The following TECPR2 variants were observed in gnomAD, a reference collection of about 807,000 sequenced individuals.
TECPR2 encodes tectonin beta-propeller repeat containing 2.
Under a neutral mutation model 138.1 loss-of-function variants are expected in TECPR2, and 65 were observed. That is an observed-to-expected ratio of 0.47 (90% CI 0.39 to 0.58). TECPR2 has a LOEUF of 0.58. Ranked by LOEUF, TECPR2 falls within the 20% of genes least tolerant of loss-of-function variation. TECPR2 has a pLI of 0.00. For synonymous variants in TECPR2, 746 were observed against 749.8 expected, an observed-to-expected ratio of 0.99 and a Z score of 0.08; for missense variants, 1,553 against 1,824.5, an observed-to-expected ratio of 0.85 and a Z score of 2.71.
intron 17 of TECPR2, among the ~76,000 whole-genome samples, chr14:102,469,360 T>A (rs1890614653): frequency 6.6e-6 from 1 of 152,224 alleles, no homozygotes; most frequent in South Asian, 2.1e-4. Flanking sequence ...GCTGTTTTCT[T>A]CATTTTCAGA....
Position 102,443,595 on chromosome 14 carries a change from G to T in TECPR2, c.2753-52G>T. The T allele has an allele frequency of 1.4e-6, 2 of 1,411,376 alleles. No individual in the cohort carries two copies. The highest frequency in any genetic ancestry group is 2.3e-5 in the Admixed American group (1 of 43,104). 87.4% of individuals were successfully genotyped at this position (1,411,376 alleles called of 1,614,324 possible). A position where few individuals can be genotyped will look rare whatever the true frequency, so the allele number is the denominator to read the frequency against. ...AAGCCAATAACCAAGTCAAAATGAG[G>T]TGTGGAGTTCTGACTGTGTGTCTTT... On this transcript the variant is annotated intron_variant, in intron 11 of 19. Transcript: ENST00000359520. This position sits in a 1 kb window ranked among gnomAD's most constrained non-coding sequence, Gnocchi z 4.9.
At position 102,498,185 on chromosome 14, in the gene TECPR2, C is replaced by T. The variant is rs1891343326; in HGVS notation, c.4164C>T (p.His1388=). 2.5e-6 allele frequency: 4 copies of T among 1,611,346 alleles called. No individual in the cohort carries two copies. The highest frequency in any genetic ancestry group is 2.2e-5 in the East Asian group (1 of 44,886). The change falls in exon 20 of 20, where the codon CAC becomes CAT. Residue 1388 remains histidine, a synonymous_variant. Coordinates refer to ENST00000359520, the MANE Select transcript of TECPR2 (RefSeq NM_014844.5). The part of the protein sequence containing the change: ...QRLTKTFSHS[H]GTQKSSQAAM... ...TGACAAAGACGTTCAGCCACTCGCACGGCACCCAGAAGAGCAGCCAGGCCG... is the reference window on the plus strand; with the variant it reads ...TGACAAAGACGTTCAGCCACTCGCATGGCACCCAGAAGAGCAGCCAGGCCG...
At chr14:102,436,318 C>CTTT (rs558287413) in intron 9 of TECPR2, among the ~76,000 whole-genome samples, 5 of 135,500 alleles carry the variant, frequency 3.7e-5, no homozygotes, top group African/African-American at 1.1e-4. Context: ...TTCTTTCTTT[C>CTTT]TTTTTTTTTT....
intron 2 of TECPR2, among the ~76,000 whole-genome samples, chr14:102,406,565 G>T (rs775778257): frequency 6.6e-6 from 1 of 151,808 alleles, no homozygotes; most frequent in Non-Finnish European, 1.5e-5. Context: ...TAAAATTGGG[G>T]CATGAGGGCA....
chr14:102,393,706 G>A (rs1888240103), intron 2 of TECPR2, among the ~76,000 whole-genome samples: 1 of 152,060 alleles, frequency 6.6e-6, no homozygotes, highest in South Asian at 2.1e-4. Flanking sequence ...TTACAGGTGC[G>A]CACCACTACC....
chr14:102,413,863 A>G (rs896520739), intron 4 of TECPR2, among the ~76,000 whole-genome samples: 1 of 151,878 alleles, frequency 6.6e-6, no homozygotes, highest in African/African-American at 2.4e-5. Context: ...CAGTGGTGTG[A>G]TCACAACTCA....
chr14:102,367,994 CTTTTTT>C (rs56325877), intron 1 of TECPR2, among the ~76,000 whole-genome samples: 344 of 65,748 alleles, frequency 5.2e-3, no homozygotes, highest in Non-Finnish European at 7.2e-3. Context: ...GCTTATTGGC[CTTTTTT>C]TTTTTTTTTT....
chr14:102,425,390 C>T (rs1339677089), intron 6 of TECPR2, 99 bp downstream of exon 6: 1 of 1,262,766 alleles, frequency 7.9e-7, no homozygotes, highest in Non-Finnish European at 1.1e-6. Context: ...CTACCAGGAG[C>T]AGTATTGACT....
At chr14:102,406,718 G>A (rs1170849164) in intron 2 of TECPR2, among the ~76,000 whole-genome samples, 2 of 152,138 alleles carry the variant, frequency 1.3e-5, no homozygotes, top group African/African-American at 2.4e-5. Flanking sequence ...ACCTGGGTGT[G>A]GGGCACACGT....
intron 2 of TECPR2, among the ~76,000 whole-genome samples, chr14:102,405,886 T>A (rs1167939145): frequency 6.6e-6 from 1 of 152,142 alleles, no homozygotes; most frequent in Non-Finnish European, 1.5e-5. Flanking sequence ...ATAACACGGA[T>A]GAACCTTGAA....
intron 17 of TECPR2, among the ~76,000 whole-genome samples, chr14:102,489,963 C>A (rs766382227): frequency 6.6e-6 from 1 of 151,886 alleles, no homozygotes; most frequent in Non-Finnish European, 1.5e-5. Flanking sequence ...AGTGGAGGCA[C>A]TTACATCAGT....
At chr14:102,390,868 TA>T (rs1199951845) in intron 2 of TECPR2, among the ~76,000 whole-genome samples, 1 of 152,056 alleles carries the variant, frequency 6.6e-6, no homozygotes, top group Non-Finnish European at 1.5e-5. Context: ...TACTTCAATG[TA>T]AAATAATAAA....
rs754252362 is a variant in TECPR2, at chr14:102,425,288, C to T, written c.948C>T (p.Asn316=). 6.3e-7 allele frequency: 1 copy of T among 1,579,564 alleles called. No individual in the cohort carries two copies. Among genetic ancestry groups the T allele is most frequent in the Non-Finnish European group, 8.6e-7 (1 of 1,160,546 alleles). Residue 316 remains asparagine, a synonymous_variant, in exon 6 of 20, where the codon AAC becomes AAT. Coordinates refer to ENST00000359520, the MANE Select transcript of TECPR2 (RefSeq NM_014844.5). ...GTATCTATCTCCTAGACACAGTCAA[C>T]CAGGTAAGTGAAGGGACGCCACCAT... The part of the protein sequence containing the change: ...EYSIYLLDTV[N]QATVAGLEGS...
At chr14:102,450,064 G>A (rs748469023) in intron 14 of TECPR2, among the ~76,000 whole-genome samples, 195 bp downstream of exon 14, 5 of 152,106 alleles carry the variant, frequency 3.3e-5, no homozygotes, top group Non-Finnish European at 7.4e-5. Flanking sequence ...CCTAAAACTC[G>A]TATCCCTGTG....
chr14:102,481,351 G>C (rs1318784386), intron 17 of TECPR2, among the ~76,000 whole-genome samples: 1 of 152,178 alleles, frequency 6.6e-6, no homozygotes, highest in Non-Finnish European at 1.5e-5. Flanking sequence ...GTTTCACTGT[G>C]TTGGCCAGGC....
chr14:102,426,518 A>C (rs1889326270), intron 6 of TECPR2, among the ~76,000 whole-genome samples: 1 of 152,078 alleles, frequency 6.6e-6, no homozygotes, highest in Admixed American at 6.6e-5. Flanking sequence ...TCTGACAGGC[A>C]CCCCTTTCTT....
chr14:102,468,740 A>G (rs1278583835), intron 17 of TECPR2, among the ~76,000 whole-genome samples: 2 of 152,164 alleles, frequency 1.3e-5, no homozygotes, highest in African/African-American at 2.4e-5. Context: ...TTGTAGTTTT[A>G]GCTCTTACAT....
intron 16 of TECPR2, among the ~76,000 whole-genome samples, chr14:102,456,765 A>G (rs1890285881): frequency 1.3e-5 from 2 of 150,674 alleles, no homozygotes; most frequent in South Asian, 2.1e-4. Flanking sequence ...AATTTTTTGT[A>G]TTTTTAGTAG....
intron 5 of TECPR2, among the ~76,000 whole-genome samples, chr14:102,422,690 T>C (rs1412754899): frequency 2.6e-5 from 4 of 152,198 alleles, no homozygotes. Context: ...AAAGGCAAAA[T>C]GCAGTCCAGT....
Sources: gnomAD v4.1 joint callset for allele counts (sites outside exome capture counted in the v4.1 genomes callset) on GRCh38, gnomAD v4.1.1 for gene constraint, Gnocchi (gnomAD v3.1) non-coding constraint, MANE v1.5 for transcripts, NCBI Gene and HGNC (gene_info 2026-07-23, HGNC 2026-07-21) for gene names.